The following IRAK3 variants were observed in gnomAD, a reference collection of about 807,000 sequenced individuals.
The protein encoded by IRAK3 is interleukin-1 receptor-associated kinase 3.
IRAK3 carries 57 observed loss-of-function variants against 56.6 expected under a neutral mutation model. The ratio of observed to expected loss-of-function variants is 1.01; its 90% confidence interval spans 0.81 to 1.26. IRAK3 has a LOEUF of 1.26. Among genes scored for constraint, IRAK3 ranks in the 50% most tolerant of loss-of-function variants. The pLI, the probability that IRAK3 is intolerant of heterozygous loss-of-function variation, is 0.00. For missense variants in IRAK3, 703 were observed against 719.0 expected (o/e 0.98, Z 0.25); for synonymous variants, 258 against 255.7 (o/e 1.01, Z -0.09).
At chr12:66,227,380 C>T (rs2052797553) in intron 7 of IRAK3, among the ~76,000 whole-genome samples, 1 of 152,070 alleles carries the variant, frequency 6.6e-6, no homozygotes, top group Middle Eastern at 3.2e-3. Context: ...ATCACAAGGT[C>T]AGGAGTTCAG....
chr12:66,203,565 A>G (rs2136919110), intron 1 of IRAK3, 146 bp from the exon 2 acceptor site: 2 of 761,652 alleles, frequency 2.6e-6, no homozygotes, highest in Non-Finnish European at 4.4e-6. Flanking sequence ...AGGTGAATAT[A>G]TTCCAAATTA....
Position 66,248,777 on chromosome 12 carries a change from A to T in IRAK3, c.*606A>T, listed in dbSNP as rs1198377490. 6.5e-6 allele frequency: 1 copy of T among 152,778 alleles called. No individual in the cohort carries two copies. Among genetic ancestry groups the T allele is most frequent in the Non-Finnish European group, 1.5e-5 (1 of 68,452 alleles). 9.5% of individuals were successfully genotyped at this position (152,778 alleles called of 1,614,324 possible). A position where few individuals can be genotyped will look rare whatever the true frequency, so the allele number is the denominator to read the frequency against. ...GAAAGGGGATTTCTTCCCAAGATCT[A>T]TCCTAAACTCTTAGGACAGTTTATC... On this transcript the variant is annotated 3_prime_UTR_variant, in exon 12 of 12. Coordinates refer to ENST00000261233, the MANE Select transcript of IRAK3 (RefSeq NM_007199.3).
intron 8 of IRAK3, among the ~76,000 whole-genome samples, chr12:66,232,350 G>A (rs551936974): frequency 6.6e-6 from 1 of 152,314 alleles, no homozygotes; most frequent in South Asian, 2.1e-4. Context: ...GTCCCTGCCT[G>A]TTCCAAAGCA....
intron 8 of IRAK3, chr12:66,234,240 T>G: frequency 6.2e-7 from 1 of 1,613,630 alleles, no homozygotes; most frequent in South Asian, 1.1e-5. Flanking sequence ...TATGTTCCGG[T>G]GCTGCCTAGT....
chr12:66,195,175 C>A (rs1372661888), intron 1 of IRAK3, among the ~76,000 whole-genome samples: 1 of 152,186 alleles, frequency 6.6e-6, no homozygotes, highest in Non-Finnish European at 1.5e-5. Context: ...GTCACTTTCT[C>A]TCACAAACCA....
intron 2 of IRAK3, among the ~76,000 whole-genome samples, chr12:66,204,815 CACACAA>C (rs1247140326): frequency 1.4e-4 from 20 of 141,100 alleles, no homozygotes; most frequent in African/African-American, 5.3e-4. Flanking sequence ...CACACACACA[CACACAA>C]GGAATCCTGA....
At chr12:66,192,684 G>A (rs2052410617) in intron 1 of IRAK3, among the ~76,000 whole-genome samples, 1 of 152,094 alleles carries the variant, frequency 6.6e-6, no homozygotes, top group African/African-American at 2.4e-5. Context: ...GTGTGCATTT[G>A]TATATTCAAT....
chr12:66,246,926 A>G (rs1565813457), intron 11 of IRAK3, among the ~76,000 whole-genome samples: 1 of 152,110 alleles, frequency 6.6e-6, no homozygotes, highest in Non-Finnish European at 1.5e-5. Context: ...TTGAATGACA[A>G]TCTCTATGTT....
intron 7 of IRAK3, among the ~76,000 whole-genome samples, chr12:66,227,598 TAAATAAACAAAC>T (rs1355364335): frequency 7.6e-5 from 9 of 119,142 alleles, no homozygotes; most frequent in Admixed American, 5.7e-4. Flanking sequence ...AATAAATAAA[TAAATAAACAAAC>T]AAACTGCTGG....
chr12:66,224,436 A>G (rs1624395), intron 6 of IRAK3, among the ~76,000 whole-genome samples: 95,642 of 152,016 alleles, frequency 0.63, 30,415 homozygotes, highest in Admixed American at 0.68. Flanking sequence ...ACAGAGGAGG[A>G]AATGATAACT....
chr12:66,243,050 G>T (rs2052987534), intron 8 of IRAK3, among the ~76,000 whole-genome samples: 1 of 150,474 alleles, frequency 6.6e-6, no homozygotes, highest in Non-Finnish European at 1.5e-5. Flanking sequence ...TGGGGGACAA[G>T]AATGAAACTT....
chr12:66,226,567 A>G (rs991722724), intron 6 of IRAK3, among the ~76,000 whole-genome samples, 156 bp from the exon 7 acceptor site: 1 of 152,198 alleles, frequency 6.6e-6, no homozygotes, highest in African/African-American at 2.4e-5. Flanking sequence ...ACCAATTTGG[A>G]AAGCAAATCT....
chr12:66,220,811 C>T (rs1456826574), intron 6 of IRAK3, among the ~76,000 whole-genome samples: 5 of 152,064 alleles, frequency 3.3e-5, no homozygotes, highest in Non-Finnish European at 7.4e-5. Flanking sequence ...TGAGCCACCG[C>T]GCCCGGCCTG....
chr12:66,230,663 TAGGGTGGGGAAGGAC>T (rs1407005568), intron 8 of IRAK3, among the ~76,000 whole-genome samples: 1 of 145,272 alleles, frequency 6.9e-6, no homozygotes, highest in South Asian at 2.2e-4. Flanking sequence ...GGGAGCCAAG[TAGGGTGGGGAAGGAC>T]AGGGTGGGGA....
intron 7 of IRAK3, among the ~76,000 whole-genome samples, chr12:66,227,151 G>T (rs1460898770): frequency 6.6e-6 from 1 of 152,022 alleles, no homozygotes; most frequent in Non-Finnish European, 1.5e-5. Flanking sequence ...CAGTGAGTTG[G>T]CATCAACTAC....
chr12:66,215,266 C>T (rs2052658162), intron 5 of IRAK3, among the ~76,000 whole-genome samples: 1 of 152,164 alleles, frequency 6.6e-6, no homozygotes, highest in Admixed American at 6.5e-5. Flanking sequence ...AGTCTACTTT[C>T]CTACTCTCTC....
At chr12:66,236,491 C>G (rs2052909607) in intron 8 of IRAK3, among the ~76,000 whole-genome samples, 2 of 151,746 alleles carry the variant, frequency 1.3e-5, no homozygotes, top group African/African-American at 2.4e-5. Flanking sequence ...TTGCTTGAAC[C>G]CAGGAGGTGG....
At chr12:66,197,137 C>T in intron 1 of IRAK3, 1 of 1,271,848 alleles carries the variant, frequency 7.9e-7, no homozygotes, top group Non-Finnish European at 9.9e-7. Flanking sequence ...TATGTGACTC[C>T]AATACGACTT....
At chr12:66,234,249 G>A in intron 8 of IRAK3, 4 of 1,613,526 alleles carry the variant, frequency 2.5e-6, no homozygotes, top group Non-Finnish European at 3.4e-6. Context: ...GTGCTGCCTA[G>A]TGACAGATGA....
Sources: gnomAD v4.1 joint callset for allele counts (sites outside exome capture counted in the v4.1 genomes callset) on GRCh38, gnomAD v4.1.1 for gene constraint, MANE v1.5 for transcripts, NCBI Gene and HGNC (gene_info 2026-07-23, HGNC 2026-07-21) for gene names.